SPMAP2L: variants seen among roughly 807,000 people sequenced by gnomAD.
SPMAP2L encodes sperm microtubule associated protein 2 like.
the SPMAP2L span, among the ~76,000 whole-genome samples, chr4:56,546,174 T>C: frequency 6.6e-6 from 1 of 151,822 alleles, no homozygotes; most frequent in Admixed American, 6.5e-5. Flanking sequence ...TCATTTATAG[T>C]GCTGTGTTTT....
the SPMAP2L span, among the ~76,000 whole-genome samples, chr4:56,534,798 G>A: frequency 6.6e-5 from 10 of 152,222 alleles, no homozygotes; most frequent in South Asian, 2.1e-4. Context: ...GCGTGGTGGC[G>A]CATGCCTGTA....
At chr4:56,606,029 G>C in the SPMAP2L span, among the ~76,000 whole-genome samples, 1 of 152,040 alleles carries the variant, frequency 6.6e-6, no homozygotes, top group African/African-American at 2.4e-5. Flanking sequence ...CCTAAACCTA[G>C]GTATAAAAGT....
At chr4:56,543,616 C>T in the SPMAP2L span, among the ~76,000 whole-genome samples, 3 of 151,880 alleles carry the variant, frequency 2.0e-5, no homozygotes, top group Non-Finnish European at 4.4e-5. Flanking sequence ...CACTTGAACC[C>T]GGGAGGCAGA....
chr4:56,531,475 A>G, the SPMAP2L span, among the ~76,000 whole-genome samples: 5 of 152,090 alleles, frequency 3.3e-5, no homozygotes, highest in East Asian at 1.9e-4. Flanking sequence ...ATTCGCCTCT[A>G]CAGTTAGTCA....
the SPMAP2L span, among the ~76,000 whole-genome samples, chr4:56,555,775 C>CA: frequency 0.94 from 143,413 of 152,180 alleles, 67,687 homozygotes; most frequent in Middle Eastern, 0.97. Context: ...TGTTGGCATA[C>CA]AAAAATCAGT....
the SPMAP2L span, chr4:56,596,654 T>C: frequency 1.3e-6 from 2 of 1,490,748 alleles, no homozygotes; most frequent in Non-Finnish European, 1.8e-6. Flanking sequence ...TACCTTGGTA[T>C]CCTTCAGCTC....
chr4:56,623,088 T>C, the SPMAP2L span, among the ~76,000 whole-genome samples: 1 of 152,190 alleles, frequency 6.6e-6, no homozygotes, highest in Non-Finnish European at 1.5e-5. Flanking sequence ...TCCTGCTGCC[T>C]TTCTAGCCTG....
the SPMAP2L span, among the ~76,000 whole-genome samples, chr4:56,544,788 G>C: frequency 6.6e-6 from 1 of 152,202 alleles, no homozygotes; most frequent in African/African-American, 2.4e-5. Context: ...GGGCGGGAGG[G>C]AGACTGTGGA....
chr4:56,603,858 A>G, the SPMAP2L span, among the ~76,000 whole-genome samples: 1 of 152,228 alleles, frequency 6.6e-6, no homozygotes, highest in Non-Finnish European at 1.5e-5. Context: ...TTATAATTGA[A>G]ATTTAGGGAA....
At chr4:56,616,373 G>A in the SPMAP2L span, among the ~76,000 whole-genome samples, 1,123 of 152,224 alleles carry the variant, frequency 7.4e-3, 11 homozygotes, top group African/African-American at 0.026. Flanking sequence ...ATCTCCAAAT[G>A]CAGTCACGTT....
At chr4:56,624,316 A>G in the SPMAP2L span, among the ~76,000 whole-genome samples, 1 of 152,234 alleles carries the variant, frequency 6.6e-6, no homozygotes, top group African/African-American at 2.4e-5. Context: ...TAAAAGGGAA[A>G]AAAAGAACAT....
chr4:56,546,774 G>C, the SPMAP2L span, among the ~76,000 whole-genome samples: 1 of 152,142 alleles, frequency 6.6e-6, no homozygotes, highest in Non-Finnish European at 1.5e-5. Flanking sequence ...ACCTGTGTCA[G>C]GTCATAAAGC....
chr4:56,572,596 A>G, the SPMAP2L span, among the ~76,000 whole-genome samples: 2 of 152,166 alleles, frequency 1.3e-5, no homozygotes, highest in East Asian at 1.9e-4. Flanking sequence ...ACCCATTACT[A>G]TCTCTGAATG....
the SPMAP2L span, among the ~76,000 whole-genome samples, chr4:56,592,673 A>G: frequency 6.6e-6 from 1 of 152,020 alleles, no homozygotes; most frequent in African/African-American, 2.4e-5. Context: ...GTCCTGTGCC[A>G]GGGCGTTGGG....
At chr4:56,545,984 G>T in the SPMAP2L span, among the ~76,000 whole-genome samples, 1 of 152,090 alleles carries the variant, frequency 6.6e-6, no homozygotes, top group Non-Finnish European at 1.5e-5. Flanking sequence ...AGTAGAGATG[G>T]GGTTTCGCCA....
chr4:56,592,297 A>G, the SPMAP2L span, among the ~76,000 whole-genome samples: 3 of 152,236 alleles, frequency 2.0e-5, no homozygotes, highest in African/African-American at 7.2e-5. Context: ...CCTGGTGTCC[A>G]AAAGGTTGGG....
the SPMAP2L span, among the ~76,000 whole-genome samples, chr4:56,564,055 G>A: frequency 1.3e-5 from 2 of 151,858 alleles, no homozygotes; most frequent in Non-Finnish European, 2.9e-5. Context: ...CTATTCAGAT[G>A]ACCTGTTTCT....
At chr4:56,555,711 G>A in the SPMAP2L span, among the ~76,000 whole-genome samples, 1 of 151,724 alleles carries the variant, frequency 6.6e-6, no homozygotes, top group African/African-American at 2.4e-5. Context: ...TTAATTTTTT[G>A]CAATGCTAAT....
chr4:56,537,742 G>C, the SPMAP2L span, among the ~76,000 whole-genome samples: 6 of 151,524 alleles, frequency 4.0e-5, no homozygotes, highest in Admixed American at 2.0e-4. Context: ...CCAGGCTGGA[G>C]TGCAGTGGCG....
Sources: allele counts gnomAD v4.1 joint callset (sites outside exome capture counted in the v4.1 genomes callset), GRCh38; gene constraint gnomAD v4.1.1; transcripts MANE v1.5; gene names NCBI Gene and HGNC (gene_info 2026-07-23, HGNC 2026-07-21).